The following GPNMB variants were observed in gnomAD, a reference collection of about 807,000 sequenced individuals.
GPNMB encodes transmembrane glycoprotein NMB.
Under a neutral mutation model 57.3 loss-of-function variants are expected in GPNMB, and 71 were observed. The observed-to-expected ratio is 1.24, with a 90% CI of 1.02 to 1.51. The LOEUF (loss-of-function observed/expected upper bound fraction) is 1.51. Among genes scored for constraint, GPNMB ranks in the 40% most tolerant of loss-of-function variants. The probability of loss-of-function intolerance (pLI) is 0.00; values close to 1 mark genes in which losing one functional copy is unlikely to be tolerated. For missense variants in GPNMB, 677 were observed against 691.9 expected, an observed-to-expected ratio of 0.98 and a Z score of 0.24; for synonymous variants, 253 against 263.2, an observed-to-expected ratio of 0.96 and a Z score of 0.38.
At chr7:23,264,758 T>C (rs1412817131) in intron 6 of GPNMB, among the ~76,000 whole-genome samples, 1 of 152,210 alleles carries the variant, frequency 6.6e-6, no homozygotes, top group Admixed American at 6.5e-5. Flanking sequence ...AAAATAAGCT[T>C]TATTTCATTT....
At chr7:23,266,700 A>G in intron 7 of GPNMB, 85 bp downstream of exon 7, 1 of 1,271,678 alleles carries the variant, frequency 7.9e-7, no homozygotes, top group Non-Finnish European at 1.1e-6. Flanking sequence ...CTGAAGGGGT[A>G]GAGGTAGGTG....
chr7:23,274,282 A>C lies in GPNMB; in HGVS notation c.*58A>C. ...GTGCCATTGATGTGAGATGTGCTGG[A>C]GTGGCTATTAACCTTTTTTTCCTAA... is the stretch of plus-strand genomic sequence containing the variant. On this transcript the variant is annotated 3_prime_UTR_variant, in exon 11 of 11. Transcript: ENST00000258733. 3 of 1,302,572 alleles carry C rather than the reference A, an allele frequency of 2.3e-6. No homozygotes were observed. Among genetic ancestry groups the C allele is most frequent in the Non-Finnish European group, 3.3e-6 (3 of 914,242 alleles). 80.7% of individuals were successfully genotyped at this position (1,302,572 alleles called of 1,614,324 possible). A position where few individuals can be genotyped will look rare whatever the true frequency, so the allele number is the denominator to read the frequency against.
At chr7:23,255,968 A>G (rs1439495743) in intron 3 of GPNMB, among the ~76,000 whole-genome samples, 1 of 151,448 alleles carries the variant, frequency 6.6e-6, no homozygotes, top group East Asian at 1.9e-4. Context: ...GTGCAGTGGC[A>G]CAATCTTGGC....
chr7:23,273,500 T>C (rs1783260202), intron 9 of GPNMB, 21 bp from the exon 10 acceptor site: 1 of 1,520,380 alleles, frequency 6.6e-7, no homozygotes, highest in Non-Finnish European at 9.1e-7. Flanking sequence ...ATAACTAACA[T>C]GCTCTTGCTT....
intron 6 of GPNMB, among the ~76,000 whole-genome samples, chr7:23,261,515 G>A (rs921506319): frequency 4.6e-5 from 7 of 152,150 alleles, no homozygotes; most frequent in Non-Finnish European, 7.3e-5. Flanking sequence ...ATCATTCTGA[G>A]CAAACTATCA....
In GPNMB at chr7:23,259,291, C is replaced by T. The variant is rs117162588; in HGVS notation, c.542-689C>T. On this transcript the variant is annotated intron_variant, in intron 4 of 10. Transcript: ENST00000258733. ...ATCCCCGCTCCGGGTTTAACCAATT[C>T]GTCTGCCTCAGCCTCCCGAGTAGCT... Among the ~76,000 whole-genome samples the T allele has an allele frequency of 8.0e-3, 1,224 of 152,244 alleles. 31 individuals are homozygous for T. Among genetic ancestry groups the T allele is most frequent in the Non-Finnish European group, 5.1e-3 (344 of 68,024 alleles).
At chr7:23,256,419 T>G (rs760952760) in intron 3 of GPNMB, among the ~76,000 whole-genome samples, 11 of 152,176 alleles carry the variant, frequency 7.2e-5, no homozygotes, top group Non-Finnish European at 1.6e-4. Context: ...TAGCCAAATA[T>G]ACAAACCTTG....
At chr7:23,263,473 G>A (rs572437702) in intron 6 of GPNMB, among the ~76,000 whole-genome samples, 1 of 152,100 alleles carries the variant, frequency 6.6e-6, no homozygotes, top group East Asian at 1.9e-4. Context: ...TTAGCCGGGT[G>A]TGGTGGAGAG....
chr7:23,256,384 T>A (rs1445137450), intron 3 of GPNMB, among the ~76,000 whole-genome samples: 4 of 152,194 alleles, frequency 2.6e-5, no homozygotes, highest in Non-Finnish European at 5.9e-5. Flanking sequence ...AGAGGGATTT[T>A]AAAAATCATT....
chr7:23,266,532 A>AC lies in GPNMB; in HGVS notation c.1039dup (p.Leu347ProfsTer5). 6.2e-7 allele frequency: 1 copy of AC among 1,613,414 alleles called. No homozygotes were observed. Among genetic ancestry groups the AC allele is most frequent in the East Asian group, 2.2e-5 (1 of 44,886 alleles). On this transcript the variant is annotated frameshift_variant, in exon 7 of 11. Transcript: ENST00000258733. LOFTEE classifies it high-confidence loss of function. ...AACACCCCAGGACCTGCTGGTGACA[A>AC]CCCCCTGGAGCTGAGTAGGATTCCT... is the stretch of plus-strand genomic sequence containing the variant.
intron 1 of GPNMB, among the ~76,000 whole-genome samples, chr7:23,251,910 G>A (rs989090089): frequency 1.2e-4 from 19 of 152,168 alleles, no homozygotes; most frequent in African/African-American, 4.3e-4. Context: ...AGGAGGAGGC[G>A]TGCAGGCGGG....
rs772513306 is a variant in GPNMB at position 23,260,493 on chromosome 7, C to T, written c.738C>T (p.Asn246=). ...TGTTTGTGACTATGTTCCAGAAGAA[C>T]GATCGAAATTCATCCGACGAAACCT... is the stretch of plus-strand genomic sequence containing the variant. The part of the protein sequence containing the change: ...IPVFVTMFQK[N]DRNSSDETFL... The change falls in exon 6 of 11, where the codon AAC becomes AAT. Residue 246 remains asparagine, a synonymous_variant. Transcript: ENST00000258733. 1.2e-5 allele frequency: 20 copies of T among 1,613,346 alleles called. No homozygotes were observed. The highest frequency in any genetic ancestry group is 1.6e-4 in the Middle Eastern group (1 of 6,082).
rs150582828 is a variant in GPNMB at position 23,270,855 on chromosome 7, C to T, written c.1429+680C>T. Among the ~76,000 whole-genome samples the T allele has an allele frequency of 6.8e-4, 103 of 152,308 alleles. 3 individuals are homozygous for T. In the East Asian group the frequency reaches 0.015, roughly 23 times the overall value. Reference sequence around the variant, plus strand: ...GTAGCATCCAACTTCCCCCAACCTCCAAATTAGGGCTCTACCCTAATGGCC... The same window carrying T: ...GTAGCATCCAACTTCCCCCAACCTCTAAATTAGGGCTCTACCCTAATGGCC... On this transcript the variant is annotated intron_variant, in intron 9 of 10. Transcript: ENST00000258733.
Position 23,274,133 on chromosome 7 carries a change from T to A in GPNMB, c.1592T>A (p.Val531Asp), listed in dbSNP as rs1783280755. 1 of 1,613,256 alleles carries A rather than the reference T, an allele frequency of 6.2e-7. No homozygotes were observed. Among genetic ancestry groups the A allele is most frequent in the South Asian group, 1.1e-5 (1 of 91,068 alleles). Residue 531 changes from valine (V) to aspartate (D), a missense_variant, in exon 11 of 11, where the codon GTC becomes GAC. Physicochemically the swap from Val to Asp is radical, Grantham distance 152 (BLOSUM62 -3). Coordinates refer to ENST00000258733, the MANE Select transcript of GPNMB (RefSeq NM_002510.3). ...GNVVRSKGLS[V>D]FLNRAKAVFF... ...GTGGTCAGAAGCAAAGGCCTGAGTG[T>A]CTTTCTCAACCGTGCAAAAGCCGTG...
At chr7:23,269,110 G>A (rs1783137665) in intron 8 of GPNMB, among the ~76,000 whole-genome samples, 1 of 152,150 alleles carries the variant, frequency 6.6e-6, no homozygotes, top group African/African-American at 2.4e-5. Flanking sequence ...AGAGAGGCTG[G>A]GTGCTGTGGC....
At chr7:23,266,258 G>A (rs1008967455) in intron 6 of GPNMB, 27 of 453,526 alleles carry the variant, frequency 6.0e-5, no homozygotes, top group Admixed American at 1.2e-4. Flanking sequence ...CAGTTTCAAC[G>A]TCTTATTTGC....
Position 23,247,231 on chromosome 7 carries a change from A to G in GPNMB, c.70+304A>G, listed in dbSNP as rs1225376552. 5 of 400,440 alleles carry G rather than the reference A, an allele frequency of 1.2e-5. No individual in the cohort carries two copies. In the East Asian group the frequency reaches 2.7e-4, roughly 22 times the overall value. The allele number at this position is 400,440 out of a possible 1,614,324, so 24.8% of individuals were successfully genotyped here. On this transcript the variant is annotated intron_variant, in intron 1 of 10. Coordinates refer to ENST00000258733, the MANE Select transcript of GPNMB (RefSeq NM_002510.3). ...GACAGTGGTTGGGGGAGGGTTGGAC[A>G]GCCTCCGGCCACAGAACAAAGCAAC...
intron 6 of GPNMB, among the ~76,000 whole-genome samples, chr7:23,262,172 C>T (rs1267299803): frequency 2.0e-5 from 3 of 152,166 alleles, no homozygotes; most frequent in African/African-American, 4.8e-5. Context: ...TTAAATCAAG[C>T]ATATCTAAGT....
At chr7:23,273,301 C>T (rs921975579) in intron 9 of GPNMB, 1 of 501,016 alleles carries the variant, frequency 2.0e-6, no homozygotes, top group Non-Finnish European at 3.5e-6. Context: ...CTCTCCCCCG[C>T]GCCCTTACCA....
Sources: allele counts gnomAD v4.1 joint callset (sites outside exome capture counted in the v4.1 genomes callset), GRCh38; gene constraint gnomAD v4.1.1; transcripts MANE v1.5; gene names NCBI Gene and HGNC (gene_info 2026-07-23, HGNC 2026-07-21).